Variants in PRICKLE2 observed in about 807,000 individuals in gnomAD.
PRICKLE2 encodes the protein prickle-like protein 2.
In PRICKLE2, 21 loss-of-function variants were observed where a neutral mutation model predicts 81.4. That is an observed-to-expected ratio of 0.26 (90% CI 0.18 to 0.37). The LOEUF (loss-of-function observed/expected upper bound fraction) is 0.37, where lower values mean the gene tolerates loss of function less well. PRICKLE2 is among the 10% of genes least tolerant of loss of function. PRICKLE2 has a pLI of 1.00. For synonymous variants in PRICKLE2, 456 were observed against 421.5 expected (o/e 1.08, Z -1.00); for missense variants, 940 against 1,109.0 (o/e 0.85, Z 2.16).
intron 7 of PRICKLE2, among the ~76,000 whole-genome samples, chr3:64,132,966 G>T (rs2077218741): frequency 6.6e-6 from 1 of 152,312 alleles, no homozygotes; most frequent in Middle Eastern, 3.4e-3. Flanking sequence ...GAAGACAACA[G>T]GGGTAGGAGT....
chr3:64,258,273 T>A (rs1246951610), intron 2 of PRICKLE2, among the ~76,000 whole-genome samples: 1 of 152,210 alleles, frequency 6.6e-6, no homozygotes. Flanking sequence ...TGTACTAGAA[T>A]GTCTGTAACA....
chr3:64,121,226 C>T (rs1220332159), intron 7 of PRICKLE2, among the ~76,000 whole-genome samples: 1 of 152,172 alleles, frequency 6.6e-6, no homozygotes, highest in Non-Finnish European at 1.5e-5. Flanking sequence ...GAAGCCTTTC[C>T]AAACTATCCT....
intron 2 of PRICKLE2, among the ~76,000 whole-genome samples, chr3:64,243,288 G>C (rs2079295592): frequency 6.6e-6 from 1 of 152,162 alleles, no homozygotes; most frequent in Non-Finnish European, 1.5e-5. Flanking sequence ...CAATTTCTTT[G>C]TTGTTGGAGG....
chr3:64,169,225 T>C lies in PRICKLE2; in HGVS notation c.145-6096A>G, dbSNP rs149313361. On this transcript the variant is annotated intron_variant, in intron 2 of 7. Transcript: ENST00000638394. ...CTTCCTGTCTGGAATGTAAACACAA[T>C]GGCTAGAGCTCCAGCAGCCATCTTG... Among the ~76,000 whole-genome samples the C allele has an allele frequency of 2.1e-4, 32 of 152,234 alleles. 2 individuals are homozygous for C. In the East Asian group the frequency reaches 4.8e-3, roughly 23 times the overall value.
intron 2 of PRICKLE2, among the ~76,000 whole-genome samples, chr3:64,168,374 TA>T (rs571733605): frequency 2.0e-5 from 3 of 152,054 alleles, no homozygotes; most frequent in Non-Finnish European, 4.4e-5. Flanking sequence ...TGATGAGCTT[TA>T]AAAAATTGCA....
intron 2 of PRICKLE2, among the ~76,000 whole-genome samples, chr3:64,245,466 A>T (rs1326424045): frequency 6.6e-6 from 1 of 152,150 alleles, no homozygotes; most frequent in Non-Finnish European, 1.5e-5. Flanking sequence ...CATATTCTAC[A>T]TGTAGATTGC....
At chr3:64,186,149 A>C (rs879493318) in intron 2 of PRICKLE2, among the ~76,000 whole-genome samples, 3 of 152,246 alleles carry the variant, frequency 2.0e-5, no homozygotes, top group Non-Finnish European at 4.4e-5. Context: ...CTATATAGAT[A>C]TAATACAATA....
At position 64,250,516 on chromosome 3, in the gene PRICKLE2, C is replaced by T. The variant is rs1222815224; in HGVS notation, c.129-51549G>A. Among the ~76,000 whole-genome samples, 18 of 152,218 alleles carry T rather than the reference C, an allele frequency of 1.2e-4. 1 individual carries two copies. The highest frequency in any genetic ancestry group is 1.2e-3 in the Admixed American group (18 of 15,282). ...ACCAGAGCATCCCACACTCTTCCCCCATCCCTGATTAGTCCATGAATGTAT... is the reference window on the plus strand; with the variant it reads ...ACCAGAGCATCCCACACTCTTCCCCTATCCCTGATTAGTCCATGAATGTAT... On this transcript the variant is annotated intron_variant, in intron 2 of 8. Transcript: ENST00000295902.
intron 2 of PRICKLE2, among the ~76,000 whole-genome samples, chr3:64,167,659 A>C (rs1176578688): frequency 1.3e-5 from 2 of 152,256 alleles, no homozygotes; most frequent in Non-Finnish European, 2.9e-5. Context: ...CCTGGGCAGA[A>C]AGATGGAGGC....
At chr3:64,204,379 C>A (rs2078643599) in intron 1 of PRICKLE2, among the ~76,000 whole-genome samples, 1 of 152,086 alleles carries the variant, frequency 6.6e-6, no homozygotes, top group South Asian at 2.1e-4. Context: ...CGGAAGAAAA[C>A]AAAGGCCCAG....
chr3:64,157,351 G>T lies in PRICKLE2; in HGVS notation c.411C>A (p.Ile137=). The change falls in exon 5 of 8, where the codon ATC becomes ATA. Residue 137 remains isoleucine, a synonymous_variant. Coordinates refer to ENST00000638394, the MANE Select transcript of PRICKLE2 (RefSeq NM_198859.4). ...CAAACACAGCGATGTCTCCACCATT[G>T]ATCTGGCCTCCGCACTGTGAGGCAA... ...GAICEQCGGQ[I]NGGDIAVFAS... is the part of the protein sequence containing the mutation. 2 of 1,613,192 alleles carry T rather than the reference G, an allele frequency of 1.2e-6. No individual in the cohort carries two copies. Among genetic ancestry groups the T allele is most frequent in the South Asian group, 1.1e-5 (1 of 91,024 alleles).
At chr3:64,137,410 G>T (rs547559637) in intron 7 of PRICKLE2, among the ~76,000 whole-genome samples, 1 of 152,274 alleles carries the variant, frequency 6.6e-6, no homozygotes, top group African/African-American at 2.4e-5. Context: ...GAATTTTCCA[G>T]TGTTGCCTTT....
chr3:64,134,453 C>T (rs903137585), intron 7 of PRICKLE2, among the ~76,000 whole-genome samples: 20 of 152,188 alleles, frequency 1.3e-4, no homozygotes, highest in African/African-American at 4.1e-4. Context: ...TTCTCAGTCT[C>T]GGCACTGCTG....
chr3:64,259,451 A>C (rs1273686530), intron 2 of PRICKLE2, among the ~76,000 whole-genome samples: 1 of 152,116 alleles, frequency 6.6e-6, no homozygotes, highest in Non-Finnish European at 1.5e-5. Flanking sequence ...GGGACCGAGG[A>C]GCTCGTAGCT....
intron 2 of PRICKLE2, among the ~76,000 whole-genome samples, chr3:64,172,504 G>C (rs983063036): frequency 6.6e-6 from 1 of 152,186 alleles, no homozygotes; most frequent in African/African-American, 2.4e-5. Flanking sequence ...CAAGTTATTT[G>C]ATCTCTTGTA....
At chr3:64,248,221 G>C (rs753437506) in intron 2 of PRICKLE2, among the ~76,000 whole-genome samples, 7 of 152,190 alleles carry the variant, frequency 4.6e-5, no homozygotes, top group South Asian at 4.1e-4. Context: ...CTAATGATCT[G>C]TCTTGGCAGC....
At chr3:64,265,016 C>T (rs1488549744) in intron 2 of PRICKLE2, among the ~76,000 whole-genome samples, 1 of 152,206 alleles carries the variant, frequency 6.6e-6, no homozygotes, top group Non-Finnish European at 1.5e-5. Flanking sequence ...GTACCTGCGT[C>T]TGTTCCCTCC....
intron 5 of PRICKLE2, among the ~76,000 whole-genome samples, chr3:64,156,745 T>C (rs557824016): frequency 1.3e-5 from 2 of 152,330 alleles, no homozygotes; most frequent in African/African-American, 4.8e-5. Context: ...TCTAATCATT[T>C]TGCAGCAGTG....
At chr3:64,208,069 T>C (rs1463900631) in intron 1 of PRICKLE2, among the ~76,000 whole-genome samples, 1 of 152,308 alleles carries the variant, frequency 6.6e-6, no homozygotes, top group East Asian at 1.9e-4. Flanking sequence ...TTCTCAAGTG[T>C]ACTGCCCTTT....
Sources: allele counts gnomAD v4.1 joint callset (sites outside exome capture counted in the v4.1 genomes callset), GRCh38; gene constraint gnomAD v4.1.1; transcripts MANE v1.5; gene names NCBI Gene and HGNC (gene_info 2026-07-23, HGNC 2026-07-21).